Variants in SLC38A10 observed in about 807,000 individuals in gnomAD.
SLC38A10 encodes solute carrier family 38 member 10, also known as Sodium-coupled neutral amino acid transporter 10.
In SLC38A10, 53 loss-of-function variants were observed where a neutral mutation model predicts 81.0. The observed-to-expected ratio is 0.65, with a 90% confidence interval of 0.53 to 0.82. The LOEUF (loss-of-function observed/expected upper bound fraction) is 0.82, where lower values mean the gene tolerates loss of function less well. Ranked by LOEUF, SLC38A10 falls within the 40% of genes least tolerant of loss-of-function variation. The probability of loss-of-function intolerance (pLI) is 0.00; values close to 1 mark genes in which losing one functional copy is unlikely to be tolerated. For synonymous variants in SLC38A10, 665 were observed against 655.3 expected, an observed-to-expected ratio of 1.01 and a Z score of -0.23; for missense variants, 1,471 against 1,545.0, an observed-to-expected ratio of 0.95 and a Z score of 0.80.
At chr17:81,292,164 G>C (rs1253301604) in intron 1 of SLC38A10, among the ~76,000 whole-genome samples, 1 of 152,016 alleles carries the variant, frequency 6.6e-6, no homozygotes, top group South Asian at 2.1e-4. Flanking sequence ...GTCTCACTCT[G>C]TTGCCCAGGC....
rs1207788543 is a variant in SLC38A10, at chr17:81,283,335, C to T, written c.357+74G>A. On this transcript the variant is annotated intron_variant, in intron 4 of 15. Transcript: ENST00000374759. The surrounding 1 kb of genome is among the most constrained non-coding windows in gnomAD (Gnocchi z 4.7). Reference sequence around the variant, plus strand: ...CGACCAGCACCCAGGTCTCGGTCCTCGGGAGGATCCCACAGAGGGCCTCAG... The same window carrying T: ...CGACCAGCACCCAGGTCTCGGTCCTTGGGAGGATCCCACAGAGGGCCTCAG... The T allele has an allele frequency of 5.1e-6, 7 of 1,383,848 alleles. No homozygotes were observed. Among genetic ancestry groups the T allele is most frequent in the Non-Finnish European group, 7.1e-6 (7 of 992,488 alleles). The allele number at this position is 1,383,848 out of a possible 1,614,324, so 85.7% of individuals were successfully genotyped here. A position where few individuals can be genotyped will look rare whatever the true frequency, so the allele number is the denominator to read the frequency against.
At chr17:81,290,465 T>C (rs902618839) in intron 1 of SLC38A10, among the ~76,000 whole-genome samples, 1 of 152,048 alleles carries the variant, frequency 6.6e-6, no homozygotes, top group Non-Finnish European at 1.5e-5. Flanking sequence ...ATGACACGGA[T>C]GGGACTCAAA....
At chr17:81,272,122 TC>T (rs1218623089) in intron 9 of SLC38A10, among the ~76,000 whole-genome samples, 1 of 151,708 alleles carries the variant, frequency 6.6e-6, no homozygotes, top group African/African-American at 2.4e-5. Flanking sequence ...AAACTCCTCC[TC>T]CCGGGTTCAA....
chr17:81,260,060 A>G (rs910142624), intron 11 of SLC38A10, among the ~76,000 whole-genome samples, 178 bp downstream of exon 11: 1 of 152,184 alleles, frequency 6.6e-6, no homozygotes, highest in Non-Finnish European at 1.5e-5. Flanking sequence ...CAGCCATGCC[A>G]CAGCCAGCCA....
At chr17:81,269,486 C>A (rs372184349) in intron 10 of SLC38A10, among the ~76,000 whole-genome samples, 7 of 152,012 alleles carry the variant, frequency 4.6e-5, no homozygotes, top group African/African-American at 1.7e-4. Flanking sequence ...GAAGAAGTGG[C>A]TGACACACGT....
chr17:81,262,572 T>G (rs1421925354), intron 10 of SLC38A10, among the ~76,000 whole-genome samples: 2 of 152,170 alleles, frequency 1.3e-5, no homozygotes, highest in African/African-American at 4.8e-5. Flanking sequence ...AAAAAAAAAT[T>G]TATCTCCCTA....
At chr17:81,250,143 G>C (rs1445120739) in intron 14 of SLC38A10, 3 of 1,274,750 alleles carry the variant, frequency 2.4e-6, no homozygotes, top group Non-Finnish European at 2.0e-6. Context: ...ATAGGAAACC[G>C]TGAAAAGTCT....
intron 10 of SLC38A10, chr17:81,264,958 T>C (rs1279838463): frequency 6.6e-6 from 1 of 152,288 alleles, no homozygotes; most frequent in East Asian, 1.9e-4. Flanking sequence ...GGATCTGTCC[T>C]CTGAGTGGCC....
chr17:81,287,811 C>A (rs956153758), intron 2 of SLC38A10, among the ~76,000 whole-genome samples: 2 of 152,204 alleles, frequency 1.3e-5, no homozygotes, highest in African/African-American at 4.8e-5. Context: ...TGGGGGCCTC[C>A]CCAGCCCTGG....
At chr17:81,259,336 G>A (rs553478705) in intron 11 of SLC38A10, among the ~76,000 whole-genome samples, 22 of 152,336 alleles carry the variant, frequency 1.4e-4, no homozygotes, top group Non-Finnish European at 3.1e-4. Flanking sequence ...TGACTGAGCC[G>A]GGGCCTCTGC....
intron 10 of SLC38A10, among the ~76,000 whole-genome samples, chr17:81,267,098 G>A (rs561016826): frequency 6.6e-5 from 10 of 152,234 alleles, no homozygotes; most frequent in African/African-American, 1.2e-4. Flanking sequence ...AACACAGTAC[G>A]GAAGGGCAGA....
At chr17:81,247,681 A>AT (rs1355896631) in intron 14 of SLC38A10, 9 of 151,660 alleles carry the variant, frequency 5.9e-5, no homozygotes, top group African/African-American at 1.7e-4. Flanking sequence ...AAAAAAACAA[A>AT]AAAATAAAAA....
Sources: allele counts gnomAD v4.1 joint callset (sites outside exome capture counted in the v4.1 genomes callset), GRCh38; gene constraint gnomAD v4.1.1; non-coding constraint Gnocchi (gnomAD v3.1); transcripts MANE v1.5; gene names NCBI Gene and HGNC (gene_info 2026-07-23, HGNC 2026-07-21).